GOLM2: variants seen among roughly 807,000 people sequenced by gnomAD.
GOLM2 encodes protein GOLM2.
GOLM2 carries 26 observed loss-of-function variants against 55.9 expected under a neutral mutation model. The ratio of observed to expected loss-of-function variants is 0.47; its 90% CI spans 0.34 to 0.65. The LOEUF is 0.65. Among genes scored for constraint, GOLM2 ranks in the 30% least tolerant of loss-of-function variants. The probability of loss-of-function intolerance (pLI) is 0.01; values close to 1 mark genes in which losing one functional copy is unlikely to be tolerated. For synonymous variants in GOLM2, 165 were observed against 194.6 expected (o/e 0.85, Z 1.27); for missense variants, 486 against 531.8 (o/e 0.91, Z 0.85).
At position 44,349,627 on chromosome 15, in the gene GOLM2, A is replaced by G. The variant is rs148793573; in HGVS notation, c.802+11310A>G. On this transcript the variant is annotated intron_variant, in intron 6 of 9. Coordinates refer to ENST00000299957, the MANE Select transcript of GOLM2 (RefSeq NM_138423.4). ...AGAAACATCAGACTTCATCTACACTATAGACCAAATGGACCTAATAGATAT... is the reference window on the plus strand; with the variant it reads ...AGAAACATCAGACTTCATCTACACTGTAGACCAAATGGACCTAATAGATAT... Among the ~76,000 whole-genome samples, 756 of 152,312 alleles carry G rather than the reference A, an allele frequency of 5.0e-3. 4 individuals carry two copies. Among genetic ancestry groups the G allele is most frequent in the African/African-American group, 0.017 (695 of 41,580 alleles).
At chr15:44,356,754 C>T (rs548774932) in intron 6 of GOLM2, among the ~76,000 whole-genome samples, 20 of 152,318 alleles carry the variant, frequency 1.3e-4, no homozygotes, top group Non-Finnish European at 2.1e-4. Flanking sequence ...CAGAGAAAGA[C>T]ACTACTACAG....
At chr15:44,369,457 C>T (rs2079314529) in intron 6 of GOLM2, among the ~76,000 whole-genome samples, 1 of 151,610 alleles carries the variant, frequency 6.6e-6, no homozygotes, top group Admixed American at 6.6e-5. Flanking sequence ...ATTGTTATCT[C>T]CCCAACAAGA....
intron 8 of GOLM2, among the ~76,000 whole-genome samples, chr15:44,384,919 A>AG (rs2079431659): frequency 6.6e-6 from 1 of 152,134 alleles, no homozygotes; most frequent in Non-Finnish European, 1.5e-5. Flanking sequence ...AAAAAAAAAA[A>AG]AAAAATCATA....
At chr15:44,304,698 C>T (rs1012734973) in intron 1 of GOLM2, among the ~76,000 whole-genome samples, 1 of 152,104 alleles carries the variant, frequency 6.6e-6, no homozygotes, top group Middle Eastern at 3.2e-3. Flanking sequence ...GGCCACAGGC[C>T]TGAGCCATCA....
chr15:44,368,206 C>T (rs1178680156), intron 6 of GOLM2, among the ~76,000 whole-genome samples: 6 of 151,582 alleles, frequency 4.0e-5, no homozygotes, highest in Non-Finnish European at 7.4e-5. Flanking sequence ...GGCATGATAT[C>T]GGCTCATTGC....
chr15:44,297,524 G>T (rs1223602831), intron 1 of GOLM2, among the ~76,000 whole-genome samples: 3 of 150,260 alleles, frequency 2.0e-5, no homozygotes, highest in East Asian at 3.9e-4. Flanking sequence ...TTAGTTTCTT[G>T]CCTCTTTTCT....
At chr15:44,350,821 AT>A (rs2079156625) in intron 6 of GOLM2, among the ~76,000 whole-genome samples, 2 of 152,234 alleles carry the variant, frequency 1.3e-5, no homozygotes, top group African/African-American at 2.4e-5. Flanking sequence ...ATGCTTCAGT[AT>A]ACATGACTCA....
rs895623812 is a variant in GOLM2, at chr15:44,304,230, C to CTTTTT, written c.327+14899_327+14903dup. Among the ~76,000 whole-genome samples the CTTTTT allele has an allele frequency of 5.2e-4, 43 of 82,918 alleles. 1 individual carries two copies. Among genetic ancestry groups the CTTTTT allele is most frequent in the East Asian group, 3.5e-3 (8 of 2,304 alleles). The allele number at this position is 82,918 out of a possible 152,430, so 54.4% of individuals were successfully genotyped here. A position where few individuals can be genotyped will look rare whatever the true frequency, so the allele number is the denominator to read the frequency against. On this transcript the variant is annotated intron_variant, in intron 1 of 9. Coordinates refer to ENST00000299957, the MANE Select transcript of GOLM2 (RefSeq NM_138423.4). Reference sequence around the variant, plus strand: ...TCAGTCACGTCTTCAGGCTCCACTTCTTTTTTTTTTTTTTTTTTTTTTTTT... The same window carrying CTTTTT: ...TCAGTCACGTCTTCAGGCTCCACTTCTTTTTTTTTTTTTTTTTTTTTTTTTTTTTT...
At chr15:44,331,024 C>CT (rs1434836429) in intron 3 of GOLM2, among the ~76,000 whole-genome samples, 1 of 151,596 alleles carries the variant, frequency 6.6e-6, no homozygotes, top group Non-Finnish European at 1.5e-5. Flanking sequence ...TTGTGTTTTT[C>CT]TTTTTTTGAG....
chr15:44,395,176 A>G (rs1232697558), intron 8 of GOLM2, among the ~76,000 whole-genome samples: 3 of 147,512 alleles, frequency 2.0e-5, no homozygotes, highest in Non-Finnish European at 3.0e-5. Context: ...ACGCCCGGCT[A>G]ATTTTTTTTT....
intron 8 of GOLM2, chr15:44,390,414 T>G (rs2079479418): frequency 1.3e-5 from 2 of 152,068 alleles, no homozygotes; most frequent in Non-Finnish European, 2.9e-5. Context: ...CAGTAGGGAG[T>G]GATTGTTGAT....
intron 1 of GOLM2, among the ~76,000 whole-genome samples, chr15:44,313,258 T>TA (rs1248723695): frequency 1.3e-5 from 2 of 152,010 alleles, no homozygotes; most frequent in African/African-American, 4.8e-5. Context: ...ATATCAAAAA[T>TA]AAAAAATATT....
At chr15:44,406,995 AGAATT>A (rs2079601184) in intron 9 of GOLM2, 1 of 150,748 alleles carries the variant, frequency 6.6e-6, no homozygotes, top group African/African-American at 2.4e-5. Flanking sequence ...AGTGTTTTGT[AGAATT>A]GAGGCCTATT....
At chr15:44,295,390 AATT>A (rs1445971685) in intron 1 of GOLM2, among the ~76,000 whole-genome samples, 1 of 152,120 alleles carries the variant, frequency 6.6e-6, no homozygotes, top group Non-Finnish European at 1.5e-5. Context: ...TGAACATGGA[AATT>A]CTTTAAGGGA....
chr15:44,328,614 C>G (rs1248907410), intron 2 of GOLM2, 71 bp from the exon 3 acceptor site: 1 of 930,460 alleles, frequency 1.1e-6, no homozygotes, highest in Non-Finnish European at 1.6e-6. Flanking sequence ...AAAAAACATC[C>G]CATAGCTTCT....
rs1012185668 is a variant in GOLM2, at chr15:44,359,153, AAATAAT to A, written c.803-20525_803-20520del. Among the ~76,000 whole-genome samples, 198 of 151,860 alleles carry A rather than the reference AAATAAT, an allele frequency of 1.3e-3. 1 individual carries two copies. Among genetic ancestry groups the A allele is most frequent in the African/African-American group, 4.5e-3 (188 of 41,388 alleles). ...TGACAGAGCGAGACTCTGTCTCAAA[AAATAAT>A]AATAATAATAAAGAAAAAGATTTAG... On this transcript the variant is annotated intron_variant, in intron 6 of 9. Coordinates refer to ENST00000299957, the MANE Select transcript of GOLM2 (RefSeq NM_138423.4).
At chr15:44,368,371 T>C (rs1221538672) in intron 6 of GOLM2, among the ~76,000 whole-genome samples, 2 of 150,956 alleles carry the variant, frequency 1.3e-5, no homozygotes, top group Non-Finnish European at 3.0e-5. Context: ...AGGCTGGTCT[T>C]GAACTCCTAA....
chr15:44,390,927 C>A (rs1175337593), intron 8 of GOLM2, among the ~76,000 whole-genome samples: 1 of 152,142 alleles, frequency 6.6e-6, no homozygotes. Context: ...GCCTAATCAC[C>A]TCCCAAAGGC....
At chr15:44,327,962 C>T (rs768164677) in intron 2 of GOLM2, among the ~76,000 whole-genome samples, 2 of 152,124 alleles carry the variant, frequency 1.3e-5, no homozygotes, top group Non-Finnish European at 2.9e-5. Flanking sequence ...GTGATTGGCA[C>T]CTATGTTGGT....
Sources: allele counts gnomAD v4.1 joint callset (sites outside exome capture counted in the v4.1 genomes callset), GRCh38; gene constraint gnomAD v4.1.1; transcripts MANE v1.5; gene names NCBI Gene and HGNC (gene_info 2026-07-23, HGNC 2026-07-21).